SGCZ: variants seen among roughly 807,000 people sequenced by gnomAD.
SGCZ encodes the protein sarcoglycan zeta, also known as zeta-sarcoglycan.
A neutral mutation model predicts 41.3 loss-of-function variants in SGCZ; 40 were observed. That is an observed-to-expected ratio of 0.97 (90% confidence interval 0.75 to 1.26). The LOEUF (loss-of-function observed/expected upper bound fraction) is 1.26. Among genes scored for constraint, SGCZ ranks in the 50% most tolerant of loss-of-function variants. SGCZ has a pLI of 0.00. For missense variants in SGCZ, 552 were observed against 369.8 expected (o/e 1.49, Z -4.04); for synonymous variants, 206 against 137.5 (o/e 1.50, Z -3.49).
At chr8:14,120,530 T>C (rs1384426063) in intron 5 of SGCZ, among the ~76,000 whole-genome samples, 1 of 152,110 alleles carries the variant, frequency 6.6e-6, no homozygotes, top group Non-Finnish European at 1.5e-5. Flanking sequence ...AATTCAACTC[T>C]ATACTATATA....
At chr8:14,111,810 G>A (rs979298894) in intron 5 of SGCZ, among the ~76,000 whole-genome samples, 2 of 152,160 alleles carry the variant, frequency 1.3e-5, no homozygotes, top group Non-Finnish European at 2.9e-5. Flanking sequence ...AGGAGAAAAG[G>A]CAGATATGGA....
At chr8:14,353,287 T>C (rs532422238) in intron 2 of SGCZ, among the ~76,000 whole-genome samples, 1 of 152,258 alleles carries the variant, frequency 6.6e-6, no homozygotes, top group East Asian at 1.9e-4. Flanking sequence ...ATCTGTGTTT[T>C]TATTTTATGC....
chr8:15,028,554 T>C (rs1030532870), intron 1 of SGCZ, among the ~76,000 whole-genome samples: 3 of 148,038 alleles, frequency 2.0e-5, no homozygotes, highest in Non-Finnish European at 3.0e-5. Context: ...ATCGTCTTTC[T>C]AAGTTGAAGT....
At chr8:14,282,619 G>A (rs1180560249) in intron 3 of SGCZ, among the ~76,000 whole-genome samples, 1 of 152,058 alleles carries the variant, frequency 6.6e-6, no homozygotes, top group South Asian at 2.1e-4. Flanking sequence ...GCTAACATGA[G>A]AAAGGAGACC....
At chr8:15,023,149 T>C (rs1803319375) in intron 1 of SGCZ, among the ~76,000 whole-genome samples, 1 of 152,328 alleles carries the variant, frequency 6.6e-6, no homozygotes, top group South Asian at 2.1e-4. Context: ...AATCAGATAA[T>C]CACGCTTGCT....
intron 2 of SGCZ, among the ~76,000 whole-genome samples, chr8:14,370,274 C>A (rs1026293188): frequency 3.3e-5 from 5 of 151,972 alleles, no homozygotes; most frequent in African/African-American, 1.2e-4. Flanking sequence ...CATCACATGG[C>A]TATTAAATAT....
chr8:14,386,170 A>T (rs1459035015), intron 2 of SGCZ, among the ~76,000 whole-genome samples: 1 of 152,152 alleles, frequency 6.6e-6, no homozygotes, highest in African/African-American at 2.4e-5. Context: ...ATTTCTCAGG[A>T]AAGTGAAGGG....
intron 1 of SGCZ, among the ~76,000 whole-genome samples, chr8:14,878,027 T>C (rs886973007): frequency 2.0e-5 from 3 of 152,034 alleles, no homozygotes; most frequent in Admixed American, 6.6e-5. Context: ...ATTGCCTTTC[T>C]TCCCAAGTAA....
intron 3 of SGCZ, among the ~76,000 whole-genome samples, chr8:14,265,865 G>A (rs1337432377): frequency 2.0e-5 from 3 of 151,582 alleles, no homozygotes; most frequent in African/African-American, 7.3e-5. Flanking sequence ...AGCATCAATA[G>A]CAGAACTGAT....
chr8:15,196,815 G>C (rs912299575), intron 1 of SGCZ, among the ~76,000 whole-genome samples: 5 of 152,106 alleles, frequency 3.3e-5, no homozygotes, highest in African/African-American at 9.7e-5. Flanking sequence ...TCCTCTTCTG[G>C]TGGTGGCTGG....
chr8:14,328,551 C>G (rs909463111), intron 2 of SGCZ, among the ~76,000 whole-genome samples: 11 of 152,114 alleles, frequency 7.2e-5, no homozygotes, highest in Non-Finnish European at 1.5e-4. Flanking sequence ...TAATTTATGT[C>G]AAACTACTCA....
At chr8:14,348,954 G>A (rs972101406) in intron 2 of SGCZ, among the ~76,000 whole-genome samples, 2 of 151,952 alleles carry the variant, frequency 1.3e-5, no homozygotes, top group African/African-American at 2.4e-5. Context: ...TTTATTTACT[G>A]GACTCATTTT....
At chr8:14,975,712 C>T (rs751637609) in intron 1 of SGCZ, among the ~76,000 whole-genome samples, 3 of 151,552 alleles carry the variant, frequency 2.0e-5, no homozygotes, top group Non-Finnish European at 4.4e-5. Context: ...TGATAAAATG[C>T]TGTGTTTTCT....
intron 1 of SGCZ, among the ~76,000 whole-genome samples, chr8:14,998,875 T>C (rs1020519474): frequency 6.6e-6 from 1 of 152,184 alleles, no homozygotes; most frequent in African/African-American, 2.4e-5. Context: ...TAGCTATTGA[T>C]ATGGGTTACT....
chr8:14,718,896 A>G (rs1035540005), intron 1 of SGCZ, among the ~76,000 whole-genome samples: 6 of 147,270 alleles, frequency 4.1e-5, no homozygotes, highest in Admixed American at 6.9e-5. Flanking sequence ...GCACATGTGC[A>G]CCATGTGCAG....
intron 7 of SGCZ, among the ~76,000 whole-genome samples, chr8:14,094,696 T>G (rs541953811): frequency 1.3e-5 from 2 of 152,236 alleles, no homozygotes; most frequent in South Asian, 4.1e-4. Context: ...TTCTAGATCC[T>G]TGAGGAATCT....
At chr8:14,201,759 T>A (rs560523468) in intron 4 of SGCZ, among the ~76,000 whole-genome samples, 1 of 152,232 alleles carries the variant, frequency 6.6e-6, no homozygotes, top group African/African-American at 2.4e-5. Context: ...GTAGGAAAAT[T>A]TAACTACACA....
intron 1 of SGCZ, among the ~76,000 whole-genome samples, chr8:14,977,953 TC>T (rs1801535479): frequency 6.6e-6 from 1 of 151,978 alleles, no homozygotes; most frequent in Admixed American, 6.6e-5. Flanking sequence ...TTTATTTTTT[TC>T]AAATGCATAA....
chr8:14,853,494 C>T (rs757526216), intron 1 of SGCZ: 12 of 532,826 alleles, frequency 2.3e-5, no homozygotes, highest in Non-Finnish European at 3.9e-5. Flanking sequence ...GCCACAATCA[C>T]CTTCTGATCT....
Sources: allele counts gnomAD v4.1 joint callset (sites outside exome capture counted in the v4.1 genomes callset), GRCh38; gene constraint gnomAD v4.1.1; transcripts MANE v1.5; gene names NCBI Gene and HGNC (gene_info 2026-07-23, HGNC 2026-07-21).